Variants in NEDD4L observed in about 807,000 individuals in gnomAD.
The protein encoded by NEDD4L is NEDD4 like E3 ubiquitin protein ligase.
NEDD4L carries 54 observed loss-of-function variants against 148.9 expected under a neutral mutation model. The observed-to-expected ratio is 0.36, with a 90% CI of 0.29 to 0.45. The LOEUF (loss-of-function observed/expected upper bound fraction) is 0.45. NEDD4L is among the 20% of genes least tolerant of loss of function. NEDD4L has a pLI of 1.00. For missense variants in NEDD4L, 856 were observed against 1,233.8 expected, an observed-to-expected ratio of 0.69 and a Z score of 4.59; for synonymous variants, 433 against 440.7, an observed-to-expected ratio of 0.98 and a Z score of 0.22.
At chr18:58,110,843 G>A (rs1016626700) in intron 1 of NEDD4L, among the ~76,000 whole-genome samples, 1 of 152,130 alleles carries the variant, frequency 6.6e-6, no homozygotes, top group African/African-American at 2.4e-5. Context: ...TTTGTGCGCA[G>A]GCAGACAAAT....
intron 13 of NEDD4L, among the ~76,000 whole-genome samples, chr18:58,338,821 C>A (rs998093392): frequency 6.6e-6 from 1 of 152,144 alleles, no homozygotes; most frequent in Non-Finnish European, 1.5e-5. Flanking sequence ...GAGGCTAAGG[C>A]AGGAGAATCA....
At chr18:58,180,737 T>A (rs1413410331) in intron 2 of NEDD4L, among the ~76,000 whole-genome samples, 3 of 152,232 alleles carry the variant, frequency 2.0e-5, no homozygotes, top group Non-Finnish European at 4.4e-5. Context: ...CCTCTGTGAG[T>A]GCCCATCACA....
chr18:58,382,377 T>C (rs1398690434), intron 24 of NEDD4L, among the ~76,000 whole-genome samples: 2 of 152,188 alleles, frequency 1.3e-5, no homozygotes, highest in African/African-American at 4.8e-5. Context: ...CTCCCCTGGC[T>C]TGGTTTACTC....
chr18:58,223,487 C>T (rs2043996720), intron 2 of NEDD4L, among the ~76,000 whole-genome samples: 1 of 152,048 alleles, frequency 6.6e-6, no homozygotes, highest in Admixed American at 6.5e-5. Flanking sequence ...GGGACAGGAG[C>T]TTTTGTGGTC....
chr18:58,230,346 A>T (rs1397359084), intron 2 of NEDD4L, among the ~76,000 whole-genome samples: 1 of 152,152 alleles, frequency 6.6e-6, no homozygotes, highest in African/African-American at 2.4e-5. Flanking sequence ...TAGTTAATCG[A>T]AAGTGGCTTA....
intron 20 of NEDD4L, among the ~76,000 whole-genome samples, chr18:58,365,084 C>A (rs549134634): frequency 6.6e-6 from 1 of 152,292 alleles, no homozygotes; most frequent in Admixed American, 6.5e-5. Context: ...TCTCTCCCTG[C>A]CTCCTCCCCT....
chr18:58,310,849 A>G (rs1046837652), intron 5 of NEDD4L, among the ~76,000 whole-genome samples: 2 of 152,214 alleles, frequency 1.3e-5, no homozygotes, highest in Non-Finnish European at 2.9e-5. Context: ...GGGAAAGCCC[A>G]GGTTGTTTTT....
At chr18:58,357,379 G>T in intron 19 of NEDD4L, 127 bp downstream of exon 19, 1 of 872,524 alleles carries the variant, frequency 1.1e-6, no homozygotes, top group Non-Finnish European at 2.0e-6. Flanking sequence ...TAGAAACAGA[G>T]CACTTTGCTG....
chr18:58,176,944 G>T (rs1323639784), intron 2 of NEDD4L, among the ~76,000 whole-genome samples: 1 of 152,156 alleles, frequency 6.6e-6, no homozygotes. Context: ...TGGTCAGAGT[G>T]CAGCCTAGAA....
At chr18:58,115,245 C>CTTTTTTTTTTTTTTTTTTTTTTTTT (rs60541981) in intron 1 of NEDD4L, among the ~76,000 whole-genome samples, 8 of 129,536 alleles carry the variant, frequency 6.2e-5, no homozygotes, top group Admixed American at 1.6e-4. Flanking sequence ...TTCTTTCTTT[C>CTTTTTTTTTTTTTTTTTTTTTTTTT]TTTTTTTTTT....
chr18:58,105,628 C>T (rs190786623), intron 1 of NEDD4L, among the ~76,000 whole-genome samples: 110 of 152,154 alleles, frequency 7.2e-4, no homozygotes, highest in Non-Finnish European at 1.0e-3. Context: ...TTTTTCATTC[C>T]TGTCTCTTAT....
chr18:58,258,707 A>G (rs1408122791), intron 5 of NEDD4L, among the ~76,000 whole-genome samples: 3 of 152,342 alleles, frequency 2.0e-5, no homozygotes, highest in South Asian at 4.1e-4. Flanking sequence ...TTTTGTACAC[A>G]TACATAAATT....
chr18:58,147,396 A>G (rs1228121690), intron 1 of NEDD4L, among the ~76,000 whole-genome samples: 2 of 152,006 alleles, frequency 1.3e-5, no homozygotes, highest in African/African-American at 4.8e-5. Context: ...ACGTTGCCAC[A>G]TTTGGGGGGC....
chr18:58,055,040 G>T (rs1045688397), intron 1 of NEDD4L, among the ~76,000 whole-genome samples: 2 of 152,128 alleles, frequency 1.3e-5, no homozygotes, highest in African/African-American at 4.8e-5. Flanking sequence ...GTGGGGTGGG[G>T]CAGTGTTGAA....
intron 2 of NEDD4L, among the ~76,000 whole-genome samples, chr18:58,191,517 T>G (rs1292869943): frequency 6.6e-6 from 1 of 152,226 alleles, no homozygotes; most frequent in African/African-American, 2.4e-5. Flanking sequence ...ACTGAGGTGA[T>G]CTGAAGGTTA....
intron 25 of NEDD4L, 24 bp downstream of exon 25, chr18:58,383,343 C>T (rs1392564488): frequency 2.3e-6 from 3 of 1,288,032 alleles, no homozygotes; most frequent in Non-Finnish European, 3.3e-6. Context: ...TATTTACTGC[C>T]TTTTCTTTGA....
intron 5 of NEDD4L, among the ~76,000 whole-genome samples, chr18:58,308,675 G>A (rs917341469): frequency 3.3e-5 from 5 of 152,232 alleles, no homozygotes; most frequent in African/African-American, 1.2e-4. Context: ...TGCCTGGATG[G>A]TGGGACAGCT....
intron 2 of NEDD4L, among the ~76,000 whole-genome samples, chr18:58,169,386 A>T (rs2037280312): frequency 1.3e-5 from 2 of 152,166 alleles, no homozygotes; most frequent in African/African-American, 2.4e-5. Flanking sequence ...CTGTCATCTA[A>T]ACTGGGACGC....
At chr18:58,095,385 G>C (rs933237061) in intron 1 of NEDD4L, among the ~76,000 whole-genome samples, 9 of 152,218 alleles carry the variant, frequency 5.9e-5, no homozygotes, top group Admixed American at 2.0e-4. Context: ...GTGAACAGAT[G>C]GGGGGAAGCC....
Sources: allele counts gnomAD v4.1 joint callset (sites outside exome capture counted in the v4.1 genomes callset), GRCh38; gene constraint gnomAD v4.1.1; transcripts MANE v1.5; gene names NCBI Gene and HGNC (gene_info 2026-07-23, HGNC 2026-07-21).